The following TIGAR variants were observed in gnomAD, a reference collection of about 807,000 sequenced individuals.
The protein encoded by TIGAR is TP53 induced glycolysis regulatory phosphatase.
Under a neutral mutation model 17.9 loss-of-function variants are expected in TIGAR, and 7 were observed. That is an observed-to-expected ratio of 0.39 (90% CI 0.22 to 0.73). The LOEUF is 0.73. Ranked by LOEUF, TIGAR falls within the 30% of genes least tolerant of loss-of-function variation. The pLI, the probability that TIGAR is intolerant of heterozygous loss-of-function variation, is 0.42. For synonymous variants in TIGAR, 94 were observed against 108.6 expected (o/e 0.87, Z 0.84); for missense variants, 258 against 327.4 (o/e 0.79, Z 1.64).
At position 4,352,353 on chromosome 12, in the gene TIGAR, A is replaced by G. The variant is rs1424966493; in HGVS notation, c.475A>G (p.Ser159Gly). ...AGAACAGTTTTCCCAAGGATCTCCA[A>G]GCAACTGTCTGGAAACTTCTTTGGC... ...QKEQFSQGSP[S>G]NCLETSLAEI... Residue 159 changes from serine (S) to glycine (G), a missense_variant, in exon 6 of 6, where the codon AGC (serine) becomes GGC (glycine). Transcript: ENST00000179259. 2 of 1,614,186 alleles carry G rather than the reference A, an allele frequency of 1.2e-6. No homozygotes were observed.
At chr12:4,347,562 C>T (rs150174712) in intron 3 of TIGAR, among the ~76,000 whole-genome samples, 40 of 152,168 alleles carry the variant, frequency 2.6e-4, no homozygotes, top group African/African-American at 8.9e-4. Context: ...TTGGATCATT[C>T]GTAACAAAAA....
rs542407765 is a variant in TIGAR, at chr12:4,353,529, C to A, written c.*838C>A. The A allele has an allele frequency of 1.3e-5, 2 of 152,112 alleles. No individual in the cohort carries two copies. The highest frequency in any genetic ancestry group is 4.8e-5 in the African/African-American group (2 of 41,376). 9.4% of individuals were successfully genotyped at this position (152,112 alleles called of 1,614,324 possible). ...CACAGTAATCAGAATAAAAGAGGGGCCTTCTTTGTAAAGAATGGTGCTCTG... is the reference window on the plus strand; with the variant it reads ...CACAGTAATCAGAATAAAAGAGGGGACTTCTTTGTAAAGAATGGTGCTCTG... On this transcript the variant is annotated 3_prime_UTR_variant, in exon 6 of 6. Coordinates refer to ENST00000179259, the MANE Select transcript of TIGAR (RefSeq NM_020375.3).
chr12:4,332,144 A>G (rs1050653516), intron 2 of TIGAR, among the ~76,000 whole-genome samples: 2 of 151,410 alleles, frequency 1.3e-5, no homozygotes, highest in Non-Finnish European at 1.5e-5. Context: ...ACGTCAAGAA[A>G]GTTTTTGTGT....
At chr12:4,351,755 C>T (rs1238425832) in intron 5 of TIGAR, among the ~76,000 whole-genome samples, 1 of 152,220 alleles carries the variant, frequency 6.6e-6, no homozygotes, top group Non-Finnish European at 1.5e-5. Context: ...GGTGGCATCC[C>T]TGTGCTTGCA....
In TIGAR at chr12:4,331,367, A is replaced by G. The variant is rs549860409; in HGVS notation, c.70+50A>G. 6.4e-6 allele frequency: 10 copies of G among 1,569,296 alleles called. No homozygotes were observed. The East Asian group carries it at 1.8e-4, about 28-fold the overall frequency. ...TAGCTCTCACCCTTGTGTTAATAAG[A>G]TGTGTGAGTTAAGCAGATTTGGTGG... On this transcript the variant is annotated intron_variant, in intron 2 of 5. Transcript: ENST00000179259.
At chr12:4,332,434 G>GTA (rs1864614001) in intron 2 of TIGAR, among the ~76,000 whole-genome samples, 1 of 151,944 alleles carries the variant, frequency 6.6e-6, no homozygotes, top group Non-Finnish European at 1.5e-5. Flanking sequence ...GGTAGAGGTG[G>GTA]TGTTTTGCCA....
At position 4,337,062 on chromosome 12, in the gene TIGAR, T is replaced by G; in HGVS notation, c.94T>G (p.Ser32Ala). The stretch of plus-strand genomic sequence containing the variant: ...AGGACAAGGAGTAGATGAACCTCTT[T>G]CAGAAACTGGATTTAAACAAGCAGC... Reference protein sequence around the residue: ...IQGQGVDEPLSETGFKQAAAA... With the variant: ...IQGQGVDEPLAETGFKQAAAA... Residue 32 changes from serine to alanine, a missense_variant, in exon 3 of 6, where the codon TCA becomes GCA. By Grantham distance (99) the Ser-to-Ala change is moderately conservative. Coordinates refer to ENST00000179259, the MANE Select transcript of TIGAR (RefSeq NM_020375.3). The G allele has an allele frequency of 1.9e-6, 3 of 1,612,476 alleles. No individual in the cohort carries two copies. The highest frequency in any genetic ancestry group is 2.5e-6 in the Non-Finnish European group (3 of 1,178,560).
Position 4,324,639 on chromosome 12 carries a change from C to T in TIGAR, c.32+3336C>T, listed in dbSNP as rs547136282. 337 of 1,406,690 alleles carry T rather than the reference C, an allele frequency of 2.4e-4. No individual in the cohort carries two copies. In the African/African-American group the frequency reaches 4.2e-3, roughly 17 times the overall value. 87.1% of individuals were successfully genotyped at this position (1,406,690 alleles called of 1,614,324 possible). A position where few individuals can be genotyped will look rare whatever the true frequency, so the allele number is the denominator to read the frequency against. ...CCTTCTTGGCCTTGCGCAGGCGCTTCAGCAGCGAGTTCTGTTTCCGCCGCA... is the reference window on the plus strand; with the variant it reads ...CCTTCTTGGCCTTGCGCAGGCGCTTTAGCAGCGAGTTCTGTTTCCGCCGCA... On this transcript the variant is annotated intron_variant, in intron 1 of 5. Coordinates refer to ENST00000179259, the MANE Select transcript of TIGAR (RefSeq NM_020375.3).
rs1278663558 is a variant in TIGAR, at chr12:4,351,189, T to A, written c.271-78T>A. ...TAGCTTATTCCTGGGATGAATGTTC[T>A]AAATTTGCCATAAACATAAACTTAA... On this transcript the variant is annotated intron_variant, in intron 4 of 5. Transcript: ENST00000179259. 3 of 1,345,472 alleles carry A rather than the reference T, an allele frequency of 2.2e-6. No homozygotes were observed. In the African/African-American group the frequency reaches 4.3e-5, roughly 19 times the overall value. The allele number at this position is 1,345,472 out of a possible 1,614,324, so 83.3% of individuals were successfully genotyped here.
intron 3 of TIGAR, among the ~76,000 whole-genome samples, chr12:4,337,860 G>A (rs1446496584): frequency 6.6e-6 from 1 of 152,234 alleles, no homozygotes; most frequent in South Asian, 2.1e-4. Context: ...GTTGGGCATG[G>A]TGGCTCATGC....
At position 4,337,146 on chromosome 12, in the gene TIGAR, A is replaced by C; in HGVS notation, c.178A>C (p.Met60Leu). The change falls in exon 3 of 6, where the codon ATG becomes CTG. Residue 60 changes from methionine to leucine, a missense_variant. Met to Leu is a conservative substitution (Grantham distance 15). Transcript: ENST00000179259. ...KFTHAFSSDL[M>L]RTKQTMHGIL... ...TACTCATGCTTTCTCCAGTGATCTC[A>C]TGAGGACAAAGCAGGTACATTTATT... is the stretch of plus-strand genomic sequence containing the variant. The C allele has an allele frequency of 6.2e-7, 1 of 1,610,804 alleles. No individual in the cohort carries two copies. Among genetic ancestry groups the C allele is most frequent in the Non-Finnish European group, 8.5e-7 (1 of 1,177,340 alleles).
chr12:4,337,210 A>C (rs765818531), intron 3 of TIGAR, 50 bp downstream of exon 3: 1 of 1,440,966 alleles, frequency 6.9e-7, no homozygotes, highest in Non-Finnish European at 9.6e-7. Flanking sequence ...CTCTATGCCC[A>C]GGCTGGAGTG....
At position 4,356,053 on chromosome 12, in the gene TIGAR, G is replaced by A. The variant is rs1477160061; in HGVS notation, c.*3362G>A. ...AAGTGAGATGAGATGCCATTGGCCA[G>A]TTTGGGCAGTGATGTGATCAGACTT... On this transcript the variant is annotated 3_prime_UTR_variant, in exon 6 of 6. Coordinates refer to ENST00000179259, the MANE Select transcript of TIGAR (RefSeq NM_020375.3). Among the ~76,000 whole-genome samples the A allele has an allele frequency of 6.6e-6, 1 of 152,252 alleles. No homozygotes were observed. Among genetic ancestry groups the A allele is most frequent in the South Asian group, 2.1e-4 (1 of 4,836 alleles).
In TIGAR at chr12:4,321,323, G is replaced by A. The variant is rs1864474717; in HGVS notation, c.32+20G>A. On this transcript the variant is annotated intron_variant, in intron 1 of 5. Transcript: ENST00000179259. This position sits in a 1 kb window ranked among gnomAD's most constrained non-coding sequence, Gnocchi z 5.2. ...CCGGCAGTGAGTATGGCTGTGGCAGGATGTCTTTCTCTCTCTCTTCCTTGA... is the reference window on the plus strand; with the variant it reads ...CCGGCAGTGAGTATGGCTGTGGCAGAATGTCTTTCTCTCTCTCTTCCTTGA... 6.2e-7 allele frequency: 1 copy of A among 1,600,564 alleles called. No individual in the cohort carries two copies.
At position 4,355,416 on chromosome 12, in the gene TIGAR, G is replaced by T. The variant is rs560451853; in HGVS notation, c.*2725G>T. Among the ~76,000 whole-genome samples the T allele has an allele frequency of 6.6e-6, 1 of 152,126 alleles. No individual in the cohort carries two copies. Among genetic ancestry groups the T allele is most frequent in the East Asian group, 1.9e-4 (1 of 5,168 alleles). The stretch of plus-strand genomic sequence containing the variant: ...TGTCATACTTAGTTACTGTGGCTTT[G>T]CAGCTGACTGTCTTAAAGGGTGGAT... On this transcript the variant is annotated 3_prime_UTR_variant, in exon 6 of 6. Coordinates refer to ENST00000179259, the MANE Select transcript of TIGAR (RefSeq NM_020375.3).
At chr12:4,331,727 TA>T (rs373099700) in intron 2 of TIGAR, among the ~76,000 whole-genome samples, 20 of 152,302 alleles carry the variant, frequency 1.3e-4, no homozygotes, top group African/African-American at 4.6e-4. Flanking sequence ...AATAAAGGTT[TA>T]AAAAAAGAAC....
At position 4,352,294 on chromosome 12, in the gene TIGAR, T is replaced by A. The variant is rs1864844938; in HGVS notation, c.416T>A (p.Leu139His). 6.2e-7 allele frequency: 1 copy of A among 1,612,594 alleles called. No individual in the cohort carries two copies. ...KMRGIDFFEF[L>H]CQLILKEADQ... ...CGTGGAATAGACTTTTTTGAATTTC[T>A]TTGTCAACTAATCCTGAAAGAAGCG... is the stretch of plus-strand genomic sequence containing the variant. Residue 139 changes from leucine (L) to histidine (H), a missense_variant, in exon 6 of 6, where the codon CTT becomes CAT. Leu to His is a moderately conservative substitution (Grantham distance 99). Coordinates refer to ENST00000179259, the MANE Select transcript of TIGAR (RefSeq NM_020375.3).
rs1375299016 is a variant in TIGAR, at chr12:4,354,888, C to T, written c.*2197C>T. Among the ~76,000 whole-genome samples the T allele has an allele frequency of 5.1e-5, 7 of 137,262 alleles. No individual in the cohort carries two copies. The highest frequency in any genetic ancestry group is 2.2e-4 in the Admixed American group (3 of 13,466). 90.0% of individuals were successfully genotyped at this position (137,262 alleles called of 152,430 possible). On this transcript the variant is annotated 3_prime_UTR_variant, in exon 6 of 6. Transcript: ENST00000179259. ...CTGGGACTACAGGCATGCACCACCA[C>T]GCCTGGCCTTTTTTTTTTTTTTAGT... is the stretch of plus-strand genomic sequence containing the variant.
chr12:4,352,149 A>T, intron 5 of TIGAR, 111 bp from the exon 6 acceptor site: 1 of 772,858 alleles, frequency 1.3e-6, no homozygotes, highest in South Asian at 1.9e-5. Context: ...CTGCTTGTGT[A>T]GTACTTGGCA....
Sources: gnomAD v4.1 joint callset for allele counts (sites outside exome capture counted in the v4.1 genomes callset) on GRCh38, gnomAD v4.1.1 for gene constraint, Gnocchi (gnomAD v3.1) non-coding constraint, MANE v1.5 for transcripts, NCBI Gene and HGNC (gene_info 2026-07-23, HGNC 2026-07-21) for gene names.